The following ALCAM variants were observed in gnomAD, a reference collection of about 807,000 sequenced individuals.
ALCAM encodes the protein activated leukocyte cell adhesion molecule, also known as CD166 antigen.
A neutral mutation model predicts 70.9 loss-of-function variants in ALCAM; 30 were observed. The ratio of observed to expected loss-of-function variants is 0.42; its 90% CI spans 0.32 to 0.57. The LOEUF (loss-of-function observed/expected upper bound fraction) is 0.57. Among genes scored for constraint, ALCAM ranks in the 20% least tolerant of loss-of-function variants. The pLI, the probability that ALCAM is intolerant of heterozygous loss-of-function variation, is 0.11. For synonymous variants in ALCAM, 249 were observed against 242.5 expected, an observed-to-expected ratio of 1.03 and a Z score of -0.25; for missense variants, 591 against 695.1, an observed-to-expected ratio of 0.85 and a Z score of 1.68.
intron 1 of ALCAM, among the ~76,000 whole-genome samples, chr3:105,389,626 A>G (rs1258799126): frequency 6.6e-6 from 1 of 151,566 alleles, no homozygotes; most frequent in African/African-American, 2.4e-5. Context: ...CAGGATGTGC[A>G]GATTTGTTAA....
intron 1 of ALCAM, among the ~76,000 whole-genome samples, chr3:105,442,070 A>G (rs1473995368): frequency 6.6e-6 from 1 of 152,196 alleles, no homozygotes; most frequent in Non-Finnish European, 1.5e-5. Flanking sequence ...TTCTTTCTAT[A>G]TACATTTGTG....
At chr3:105,393,800 A>G (rs1224206541) in intron 1 of ALCAM, among the ~76,000 whole-genome samples, 1 of 151,974 alleles carries the variant, frequency 6.6e-6, no homozygotes, top group African/African-American at 2.4e-5. Context: ...TTCTATAACC[A>G]TAATTCTTCA....
At chr3:105,417,438 T>C (rs531137358) in intron 1 of ALCAM, among the ~76,000 whole-genome samples, 2 of 151,430 alleles carry the variant, frequency 1.3e-5, no homozygotes, top group East Asian at 3.9e-4. Context: ...AAAATAGATA[T>C]TTTGTATTAT....
At chr3:105,472,352 A>G (rs371909686) in intron 1 of ALCAM, among the ~76,000 whole-genome samples, 1 of 151,542 alleles carries the variant, frequency 6.6e-6, no homozygotes, top group South Asian at 2.1e-4. Flanking sequence ...GGAAGAAGAC[A>G]GACTGGGAAA....
chr3:105,538,905 T>C (rs983466041), intron 6 of ALCAM, among the ~76,000 whole-genome samples: 1 of 152,124 alleles, frequency 6.6e-6, no homozygotes, highest in African/African-American at 2.4e-5. Flanking sequence ...AGAAACAATC[T>C]ATAACAAACT....
chr3:105,454,423 A>G (rs1285760850), intron 1 of ALCAM, among the ~76,000 whole-genome samples: 1 of 152,098 alleles, frequency 6.6e-6, no homozygotes, highest in Non-Finnish European at 1.5e-5. Context: ...TGAATATGTA[A>G]TCAGAATATT....
chr3:105,539,615 C>T (rs1298202529), intron 6 of ALCAM, among the ~76,000 whole-genome samples: 1 of 152,022 alleles, frequency 6.6e-6, no homozygotes, highest in Non-Finnish European at 1.5e-5. Context: ...TTTGTCCTTC[C>T]AAACTATAAG....
At chr3:105,541,078 A>G (rs1312386050) in intron 7 of ALCAM, among the ~76,000 whole-genome samples, 1 of 151,302 alleles carries the variant, frequency 6.6e-6, no homozygotes, top group Admixed American at 6.6e-5. Context: ...TTATTCCTAC[A>G]TCATCTATAT....
At chr3:105,432,843 C>G (rs1461354373) in intron 1 of ALCAM, among the ~76,000 whole-genome samples, 4 of 152,230 alleles carry the variant, frequency 2.6e-5, no homozygotes, top group African/African-American at 9.6e-5. Flanking sequence ...ATGACTGGCA[C>G]AAACCAGTAT....
chr3:105,481,342 G>T (rs1387196894), intron 1 of ALCAM, among the ~76,000 whole-genome samples: 1 of 151,982 alleles, frequency 6.6e-6, no homozygotes, highest in Non-Finnish European at 1.5e-5. Context: ...AGAACCAGGG[G>T]AGACTTTGAT....
intron 1 of ALCAM, among the ~76,000 whole-genome samples, chr3:105,395,035 G>A (rs780416639): frequency 1.1e-4 from 16 of 151,854 alleles, no homozygotes; most frequent in Non-Finnish European, 1.9e-4. Flanking sequence ...CTTTATAACT[G>A]TAAGCACAGT....
intron 14 of ALCAM, among the ~76,000 whole-genome samples, chr3:105,562,659 C>A (rs1180030701): frequency 6.6e-6 from 1 of 152,070 alleles, no homozygotes; most frequent in Non-Finnish European, 1.5e-5. Context: ...TAAAATGGAT[C>A]AATAAAAGGG....
chr3:105,542,393 A>C (rs1406531304), intron 8 of ALCAM, among the ~76,000 whole-genome samples: 4 of 151,870 alleles, frequency 2.6e-5, no homozygotes, highest in African/African-American at 9.7e-5. Context: ...AAAAAGACAC[A>C]TGTAAATACC....
At chr3:105,456,446 A>G (rs1046176529) in intron 1 of ALCAM, among the ~76,000 whole-genome samples, 1 of 152,242 alleles carries the variant, frequency 6.6e-6, no homozygotes, top group Non-Finnish European at 1.5e-5. Flanking sequence ...TTTCAATGTT[A>G]TATTAGGAAC....
intron 9 of ALCAM, 107 bp downstream of exon 9, chr3:105,545,442 A>T: frequency 1.4e-6 from 1 of 711,134 alleles, no homozygotes; most frequent in Non-Finnish European, 2.4e-6. Flanking sequence ...ATGTGTTTAT[A>T]TACCAGCTCT....
intron 1 of ALCAM, among the ~76,000 whole-genome samples, chr3:105,394,901 C>T (rs1294212157): frequency 6.6e-6 from 1 of 151,788 alleles, no homozygotes; most frequent in African/African-American, 2.4e-5. Flanking sequence ...TATAGCAGAC[C>T]TGTAAGGTTT....
intron 1 of ALCAM, among the ~76,000 whole-genome samples, chr3:105,419,429 T>G (rs562464937): frequency 6.6e-6 from 1 of 151,864 alleles, no homozygotes; most frequent in East Asian, 1.9e-4. Context: ...GAAACACTAA[T>G]GGTTCTAGAG....
intron 1 of ALCAM, among the ~76,000 whole-genome samples, chr3:105,371,954 G>T (rs1935247469): frequency 6.6e-6 from 1 of 152,128 alleles, no homozygotes; most frequent in South Asian, 2.1e-4. Flanking sequence ...CACATTATGT[G>T]TGTGACACAT....
chr3:105,462,576 G>A (rs1419135384), intron 1 of ALCAM, among the ~76,000 whole-genome samples: 2 of 151,422 alleles, frequency 1.3e-5, no homozygotes, highest in South Asian at 2.1e-4. Flanking sequence ...AAAGTTATGC[G>A]TTTAAAAATA....
Sources: allele counts gnomAD v4.1 joint callset (sites outside exome capture counted in the v4.1 genomes callset), GRCh38; gene constraint gnomAD v4.1.1; transcripts MANE v1.5; gene names NCBI Gene and HGNC (gene_info 2026-07-23, HGNC 2026-07-21).